Variants in GRIK2 observed in about 807,000 individuals in gnomAD.
The protein encoded by GRIK2 is glutamate ionotropic receptor kainate type subunit 2.
GRIK2 carries 32 observed loss-of-function variants against 100.3 expected under a neutral mutation model. The observed-to-expected ratio is 0.32, with a 90% CI of 0.24 to 0.43. The LOEUF (loss-of-function observed/expected upper bound fraction) is 0.43. GRIK2 is among the 20% of genes least tolerant of loss of function. GRIK2 has a pLI of 1.00. For missense variants in GRIK2, 843 were observed against 1,114.9 expected (o/e 0.76, Z 3.47); for synonymous variants, 417 against 389.4 (o/e 1.07, Z -0.83).
At chr6:101,728,622 T>G (rs902882478) in intron 7 of GRIK2, among the ~76,000 whole-genome samples, 7 of 151,726 alleles carry the variant, frequency 4.6e-5, no homozygotes, top group African/African-American at 1.7e-4. Context: ...CTTACCTTAT[T>G]GGAGCCTGGA....
chr6:101,657,462 G>A (rs1769278993), intron 4 of GRIK2, among the ~76,000 whole-genome samples: 1 of 152,114 alleles, frequency 6.6e-6, no homozygotes, highest in African/African-American at 2.4e-5. Context: ...TATCTTTATA[G>A]CAGTGTGAGA....
chr6:101,981,441 AG>A (rs915840912), intron 14 of GRIK2, among the ~76,000 whole-genome samples: 42 of 152,000 alleles, frequency 2.8e-4, no homozygotes, highest in Admixed American at 2.7e-3. Flanking sequence ...TTCATCATTC[AG>A]CCCAAAGATC....
intron 9 of GRIK2, among the ~76,000 whole-genome samples, chr6:101,815,872 G>A (rs907029269): frequency 1.3e-5 from 2 of 152,122 alleles, no homozygotes; most frequent in African/African-American, 4.8e-5. Context: ...ATAATATTAC[G>A]CTAAGAAAGC....
At chr6:101,618,278 T>C (rs1779992198) in intron 2 of GRIK2, among the ~76,000 whole-genome samples, 1 of 151,660 alleles carries the variant, frequency 6.6e-6, no homozygotes, top group African/African-American at 2.4e-5. Flanking sequence ...TTAATATTGT[T>C]GTCTATATAG....
intron 7 of GRIK2, among the ~76,000 whole-genome samples, chr6:101,742,119 T>C (rs573598834): frequency 5.1e-4 from 77 of 152,352 alleles, no homozygotes; most frequent in African/African-American, 1.7e-3. Flanking sequence ...CAGAATATAC[T>C]TTTTTCTATT....
At chr6:101,572,814 T>A (rs200687071) in intron 2 of GRIK2, among the ~76,000 whole-genome samples, 1 of 102,052 alleles carries the variant, frequency 9.8e-6, no homozygotes, top group Non-Finnish European at 1.8e-5. Flanking sequence ...TATTGTTGTT[T>A]ATTATTTATT....
Position 101,867,641 on chromosome 6 carries a change from AATGACT to A in GRIK2, c.1524+8151_1524+8156del, listed in dbSNP as rs905780347. Reference sequence around the variant, plus strand: ...GCAGTAATAATAGTTCTCAAATATAAATGACTATATTTTATTAAAAAAGGTATGTTA... The same window carrying A: ...GCAGTAATAATAGTTCTCAAATATAAATATTTTATTAAAAAAGGTATGTTA... On this transcript the variant is annotated intron_variant, in intron 11 of 16. Transcript: ENST00000369134. Among the ~76,000 whole-genome samples, 2 of 151,832 alleles carry A rather than the reference AATGACT, an allele frequency of 1.3e-5. 1 individual carries two copies. The highest frequency in any genetic ancestry group is 2.9e-5 in the Non-Finnish European group (2 of 67,842).
intron 14 of GRIK2, among the ~76,000 whole-genome samples, chr6:101,939,465 A>G (rs1319264421): frequency 6.6e-6 from 1 of 152,084 alleles, no homozygotes; most frequent in Non-Finnish European, 1.5e-5. Flanking sequence ...GTACTTTTGC[A>G]AATACAGGTT....
chr6:101,799,277 TTGTG>T lies in GRIK2; in HGVS notation c.952-345_952-342del, dbSNP rs58920833. Among the ~76,000 whole-genome samples, 408 of 146,622 alleles carry T rather than the reference TTGTG, an allele frequency of 2.8e-3. 2 individuals are homozygous for T. Among genetic ancestry groups the T allele is most frequent in the African/African-American group, 8.5e-3 (340 of 39,930 alleles). On this transcript the variant is annotated intron_variant, in intron 7 of 16. Transcript: ENST00000369134. Reference sequence around the variant, plus strand: ...ATTAAAAATGTTAGCAATGTACTCATTGTGTGTGTGTGTGTGTGTGTGTGTGTGT... The same window carrying T: ...ATTAAAAATGTTAGCAATGTACTCATTGTGTGTGTGTGTGTGTGTGTGTGT...
intron 2 of GRIK2, among the ~76,000 whole-genome samples, chr6:101,485,444 A>G (rs1429820344): frequency 6.6e-6 from 1 of 152,126 alleles, no homozygotes. Context: ...TCTTTATAGG[A>G]ACTTTGTTTC....
chr6:101,954,202 G>T (rs1004015347), intron 14 of GRIK2, among the ~76,000 whole-genome samples: 1 of 152,054 alleles, frequency 6.6e-6, no homozygotes, highest in African/African-American at 2.4e-5. Flanking sequence ...TTTCAAGATT[G>T]TTTTGACTAT....
intron 14 of GRIK2, among the ~76,000 whole-genome samples, chr6:102,006,149 A>G (rs992434880): frequency 6.6e-6 from 1 of 152,056 alleles, no homozygotes; most frequent in East Asian, 1.9e-4. Context: ...CATAGCACCA[A>G]GAATTCTGCT....
chr6:101,592,385 A>T (rs1778692479), intron 2 of GRIK2, among the ~76,000 whole-genome samples: 1 of 151,452 alleles, frequency 6.6e-6, no homozygotes, highest in Non-Finnish European at 1.5e-5. Context: ...GGGGTGATGG[A>T]TCTGTGTCCT....
intron 2 of GRIK2, among the ~76,000 whole-genome samples, chr6:101,405,151 G>A (rs991173061): frequency 6.6e-6 from 1 of 152,108 alleles, no homozygotes; most frequent in South Asian, 2.1e-4. Flanking sequence ...AATTGAAAGG[G>A]CAAGGCAGAT....
At chr6:101,414,004 A>G (rs1775998043) in intron 2 of GRIK2, among the ~76,000 whole-genome samples, 1 of 152,064 alleles carries the variant, frequency 6.6e-6, no homozygotes, top group Non-Finnish European at 1.5e-5. Flanking sequence ...CACTTGACTG[A>G]GCAATAGGAC....
chr6:101,440,899 T>G (rs1770009610), intron 2 of GRIK2, among the ~76,000 whole-genome samples: 1 of 151,956 alleles, frequency 6.6e-6, no homozygotes, highest in Admixed American at 6.6e-5. Flanking sequence ...TGTTTTTTTT[T>G]TTTGTTTTTT....
chr6:101,835,992 T>C (rs960017791), intron 10 of GRIK2, among the ~76,000 whole-genome samples: 1 of 126,324 alleles, frequency 7.9e-6, no homozygotes, highest in African/African-American at 3.8e-5. Context: ...AATAGCATCC[T>C]GAGAAAGGTT....
At chr6:102,026,205 T>A (rs1307510627) in intron 14 of GRIK2, among the ~76,000 whole-genome samples, 3 of 147,956 alleles carry the variant, frequency 2.0e-5, no homozygotes, top group Non-Finnish European at 4.5e-5. Context: ...GTACTGTGTT[T>A]CTCTTTTGAT....
chr6:101,421,838 G>A (rs1043052963), intron 2 of GRIK2, among the ~76,000 whole-genome samples: 4 of 152,130 alleles, frequency 2.6e-5, no homozygotes, highest in African/African-American at 7.2e-5. Flanking sequence ...TCTCAAGTAC[G>A]TGAGCATCAA....
Sources: allele counts gnomAD v4.1 joint callset (sites outside exome capture counted in the v4.1 genomes callset), GRCh38; gene constraint gnomAD v4.1.1; transcripts MANE v1.5; gene names NCBI Gene and HGNC (gene_info 2026-07-23, HGNC 2026-07-21).